Variants in EP300 observed in about 807,000 individuals in gnomAD.
EP300 encodes EP300 lysine acetyltransferase.
In EP300, 31 loss-of-function variants were observed where a neutral mutation model predicts 264.0. The observed-to-expected ratio is 0.12, with a 90% CI of 0.09 to 0.16. The LOEUF is 0.16. EP300 is among the 10% of genes least tolerant of loss of function. EP300 has a pLI of 1.00. For missense variants in EP300, 2,766 were observed against 3,052.9 expected, an observed-to-expected ratio of 0.91 and a Z score of 2.21; for synonymous variants, 1,340 against 1,045.4, an observed-to-expected ratio of 1.28 and a Z score of -5.44.
intron 17 of EP300, among the ~76,000 whole-genome samples, chr22:41,156,703 C>A (rs569268719): frequency 7.2e-5 from 11 of 152,280 alleles, no homozygotes; most frequent in Non-Finnish European, 1.3e-4. Context: ...CCAGCCTGGG[C>A]AACATGTTGA....
intron 6 of EP300, among the ~76,000 whole-genome samples, chr22:41,133,938 T>C (rs776720702): frequency 2.0e-5 from 3 of 152,194 alleles, no homozygotes; most frequent in Non-Finnish European, 4.4e-5. Context: ...CCCATCAATT[T>C]TGATTTTGAC....
At chr22:41,110,154 G>A (rs1381169359) in intron 1 of EP300, among the ~76,000 whole-genome samples, 1 of 125,898 alleles carries the variant, frequency 7.9e-6, no homozygotes, top group East Asian at 2.3e-4. Flanking sequence ...TTGAGACAGA[G>A]CCTCACTTGG....
chr22:41,108,468 T>A (rs1208044213), intron 1 of EP300, among the ~76,000 whole-genome samples: 8 of 152,048 alleles, frequency 5.3e-5, no homozygotes, highest in Non-Finnish European at 1.5e-5. Context: ...AGGCTGGCCT[T>A]GAACTCCTGC....
intron 6 of EP300, among the ~76,000 whole-genome samples, chr22:41,133,940 G>T (rs1167232254): frequency 1.3e-5 from 2 of 152,116 alleles, no homozygotes; most frequent in Non-Finnish European, 2.9e-5. Flanking sequence ...CATCAATTTT[G>T]ATTTTGACTT....
intron 28 of EP300, 152 bp from the exon 29 acceptor site, chr22:41,173,471 A>C: frequency 1.2e-6 from 1 of 868,204 alleles, no homozygotes. Context: ...AACAACTTTA[A>C]GGAGAAAGAA....
chr22:41,170,278 A>G lies in EP300; in HGVS notation c.4287-128A>G, dbSNP rs540771235. 7.3e-6 allele frequency: 6 copies of G among 823,922 alleles called. No individual in the cohort carries two copies. In the African/African-American group the frequency reaches 1.0e-4, roughly 14 times the overall value. 51.0% of individuals were successfully genotyped at this position (823,922 alleles called of 1,614,324 possible). On this transcript the variant is annotated intron_variant, in intron 26 of 30. Transcript: ENST00000263253. ...CACAATGTTAATCTCATTCTGGGTT[A>G]TATATACACTGTGTTATCTTGGGAA...
intron 9 of EP300, 87 bp downstream of exon 9, chr22:41,140,344 T>TGCTA: frequency 2.2e-6 from 2 of 917,780 alleles, no homozygotes; most frequent in Non-Finnish European, 3.7e-6. Context: ...AAGTAGTACA[T>TGCTA]ATGCTTCAGA....
intron 1 of EP300, among the ~76,000 whole-genome samples, chr22:41,095,335 A>C (rs1050643399): frequency 7.0e-6 from 1 of 143,438 alleles, no homozygotes; most frequent in Admixed American, 8.0e-5. Context: ...CCTGGGTTAA[A>C]GCAGTTCTGT....
intron 6 of EP300, among the ~76,000 whole-genome samples, chr22:41,132,243 A>G (rs1337658296): frequency 1.3e-5 from 2 of 148,624 alleles, no homozygotes; most frequent in South Asian, 2.1e-4. Flanking sequence ...TCAGTATTCC[A>G]TGTATCATTT....
intron 6 of EP300, among the ~76,000 whole-genome samples, chr22:41,133,831 T>C (rs2058934335): frequency 6.6e-6 from 1 of 152,252 alleles, no homozygotes; most frequent in Non-Finnish European, 1.5e-5. Context: ...GTTGAGCCAC[T>C]GTGCAGTAAA....
At chr22:41,173,565 A>T in intron 28 of EP300, 58 bp from the exon 29 acceptor site, 1 of 1,570,774 alleles carries the variant, frequency 6.4e-7, no homozygotes, top group Non-Finnish European at 8.7e-7. Context: ...ATTCTGTGCT[A>T]TTCCCAAATT....
chr22:41,134,023 TG>T (rs2058935228), intron 6 of EP300, among the ~76,000 whole-genome samples: 1 of 152,226 alleles, frequency 6.6e-6, no homozygotes, highest in South Asian at 2.1e-4. Flanking sequence ...AGTCAGATTT[TG>T]CAGTCACTGG....
intron 1 of EP300, among the ~76,000 whole-genome samples, chr22:41,107,804 G>A (rs921900005): frequency 9.9e-5 from 15 of 152,006 alleles, no homozygotes; most frequent in Admixed American, 9.2e-4. Context: ...GGGTTCAAGC[G>A]ATTCTCCTGC....
intron 2 of EP300, among the ~76,000 whole-genome samples, chr22:41,118,479 A>T (rs764135117): frequency 2.0e-5 from 3 of 152,228 alleles, no homozygotes; most frequent in Non-Finnish European, 4.4e-5. Context: ...TACATATTTT[A>T]TCTGTTTTTC....
chr22:41,146,428 A>T, intron 10 of EP300: 1 of 355,480 alleles, frequency 2.8e-6, no homozygotes, highest in East Asian at 7.1e-5. Flanking sequence ...CAGCCTCCCA[A>T]AGTGCCAGGA....
At chr22:41,109,830 C>A (rs114038371) in intron 1 of EP300, among the ~76,000 whole-genome samples, 3 of 151,650 alleles carry the variant, frequency 2.0e-5, no homozygotes, top group Admixed American at 2.0e-4. Flanking sequence ...CCACCACCCC[C>A]CAAGATGTAG....
At position 41,172,547 on chromosome 22, in the gene EP300, T is replaced by C; in HGVS notation, c.4501T>C (p.Leu1501=). The C allele has an allele frequency of 2.5e-6, 4 of 1,614,058 alleles. No individual in the cohort carries two copies. Among genetic ancestry groups the C allele is most frequent in the South Asian group, 1.1e-5 (1 of 91,084 alleles). Residue 1501 remains leucine (L), a synonymous_variant, in exon 28 of 31, where the codon TTG becomes CTG. Transcript: ENST00000263253. ...TEDRLTSAKE[L]PYFEGDFWPN... Reference sequence around the variant, plus strand: ...AGATAGATTAACAAGTGCAAAGGAATTGCCTTATTTCGAGGGTGATTTCTG... The same window carrying C: ...AGATAGATTAACAAGTGCAAAGGAACTGCCTTATTTCGAGGGTGATTTCTG...
chr22:41,130,693 T>G (rs1312449601), intron 5 of EP300, among the ~76,000 whole-genome samples: 2 of 152,196 alleles, frequency 1.3e-5, no homozygotes, highest in Admixed American at 6.5e-5. Flanking sequence ...GCTTTGGCAT[T>G]GGGCAAGTTA....
At chr22:41,170,947 GC>G (rs1235755339) in intron 27 of EP300, among the ~76,000 whole-genome samples, 2 of 148,506 alleles carry the variant, frequency 1.3e-5, no homozygotes, top group Non-Finnish European at 3.0e-5. Context: ...ACAGGCATGA[GC>G]CACCGTGCCC....
Sources: allele counts gnomAD v4.1 joint callset (sites outside exome capture counted in the v4.1 genomes callset), GRCh38; gene constraint gnomAD v4.1.1; transcripts MANE v1.5; gene names NCBI Gene and HGNC (gene_info 2026-07-23, HGNC 2026-07-21).